PRICKLE2: variants seen among roughly 807,000 people sequenced by gnomAD.
PRICKLE2 encodes the protein prickle planar cell polarity protein 2, also known as prickle-like protein 2.
In PRICKLE2, 21 loss-of-function variants were observed where a neutral mutation model predicts 81.4. The observed-to-expected ratio is 0.26, with a 90% CI of 0.18 to 0.37. The LOEUF (loss-of-function observed/expected upper bound fraction) is 0.37, where lower values mean the gene tolerates loss of function less well. Ranked by LOEUF, PRICKLE2 falls within the 10% of genes least tolerant of loss-of-function variation. The pLI is 1.00. For missense variants in PRICKLE2, 940 were observed against 1,109.0 expected (o/e 0.85, Z 2.16); for synonymous variants, 456 against 421.5 (o/e 1.08, Z -1.00).
At chr3:64,229,364 G>A (rs767124129), upstream of PRICKLE2, among the ~76,000 whole-genome samples, 17 of 152,166 alleles carry the variant, frequency 1.1e-4, no homozygotes, top group South Asian at 2.1e-4. Flanking sequence ...GTGACAGGAA[G>A]GGTGGTAGCC....
At chr3:64,221,443 ACACACACACACACACG>A (rs1353626322) in intron 1 of PRICKLE2, among the ~76,000 whole-genome samples, 1 of 149,126 alleles carries the variant, frequency 6.7e-6, no homozygotes, top group Non-Finnish European at 1.5e-5. Context: ...ACACACACAC[ACACACACACACACACG>A]CACACACACA....
intron 1 of PRICKLE2, among the ~76,000 whole-genome samples, chr3:64,223,731 T>C (rs986810863): frequency 8.5e-5 from 13 of 152,218 alleles, no homozygotes; most frequent in Non-Finnish European, 1.8e-4. Context: ...ATGGTAATTA[T>C]GTCAAAGTTG....
chr3:64,254,898 T>C (rs180804218), intron 2 of PRICKLE2, among the ~76,000 whole-genome samples: 15 of 152,292 alleles, frequency 9.8e-5, no homozygotes, highest in Admixed American at 9.2e-4. Context: ...CTCAACACCA[T>C]ATTTGCTTAT....
chr3:64,121,928 T>G (rs2077035085), intron 7 of PRICKLE2, among the ~76,000 whole-genome samples: 1 of 152,208 alleles, frequency 6.6e-6, no homozygotes, highest in South Asian at 2.1e-4. Flanking sequence ...AACCTTGGCT[T>G]TCTTCTGAAC....
At chr3:64,237,216 T>C (rs2079195548) in intron 2 of PRICKLE2, among the ~76,000 whole-genome samples, 1 of 152,190 alleles carries the variant, frequency 6.6e-6, no homozygotes, top group East Asian at 1.9e-4. Context: ...TTGGCATCTG[T>C]GGATGGCTTA....
At chr3:64,134,500 T>C (rs1013294623) in intron 7 of PRICKLE2, among the ~76,000 whole-genome samples, 1 of 152,174 alleles carries the variant, frequency 6.6e-6, no homozygotes, top group Non-Finnish European at 1.5e-5. Context: ...TGACTGGGTA[T>C]AGGGGGATGG....
At chr3:64,265,595 G>A (rs2079690160) in intron 2 of PRICKLE2, among the ~76,000 whole-genome samples, 2 of 152,248 alleles carry the variant, frequency 1.3e-5, no homozygotes, top group South Asian at 4.1e-4. Context: ...GCTACACAAA[G>A]CAGCACGCAT....
Position 64,092,537 on chromosome 3 carries a change from C to T in PRICKLE2, c.*6514G>A, listed in dbSNP as rs939964980. On this transcript the variant is annotated 3_prime_UTR_variant, in exon 8 of 8. Coordinates refer to ENST00000638394, the MANE Select transcript of PRICKLE2 (RefSeq NM_198859.4). ...TGATATTATAGCATCCAGCAAGTCC[C>T]TAATGTTGTGGATCAGACACGGGGA... The T allele has an allele frequency of 6.6e-6, 1 of 152,206 alleles. No individual in the cohort carries two copies. Among genetic ancestry groups the T allele is most frequent in the Non-Finnish European group, 1.5e-5 (1 of 68,052 alleles). 9.4% of individuals were successfully genotyped at this position (152,206 alleles called of 1,614,324 possible). A position where few individuals can be genotyped will look rare whatever the true frequency, so the allele number is the denominator to read the frequency against.
At chr3:64,139,889 A>T (rs1478917054) in intron 7 of PRICKLE2, among the ~76,000 whole-genome samples, 1 of 152,100 alleles carries the variant, frequency 6.6e-6, no homozygotes, top group South Asian at 2.1e-4. Flanking sequence ...ATGTCCTTTG[A>T]CTCAGCCACA....
In PRICKLE2 at chr3:64,147,226, A is replaced by C; in HGVS notation, c.1264T>G (p.Cys422Gly). Reference protein sequence around the residue: ...TQSPLQLLSQCNIRTSYSPGG... With the variant: ...TQSPLQLLSQGNIRTSYSPGG... ...GGACTGTAGGAAGTTCTGATGTTGC[A>C]CTGGCTGAGGAGCTGCAGAGGGCTC... The change falls in exon 7 of 8, where the codon TGC (cysteine) becomes GGC (glycine). Residue 422 changes from cysteine to glycine, a missense_variant. Physicochemically the swap from Cys to Gly is radical, Grantham distance 159. Transcript: ENST00000638394. The surrounding 1 kb of genome is among the most constrained non-coding windows in gnomAD (Gnocchi z 5.0). 6.2e-7 allele frequency: 1 copy of C among 1,609,822 alleles called. No homozygotes were observed.
At chr3:64,253,547 T>C (rs1051355127) in intron 2 of PRICKLE2, among the ~76,000 whole-genome samples, 2 of 152,134 alleles carry the variant, frequency 1.3e-5, no homozygotes, top group South Asian at 2.1e-4. Flanking sequence ...CTCTAGATGA[T>C]GAATTGCTTT....
chr3:64,184,526 T>C (rs1156303901), intron 2 of PRICKLE2, among the ~76,000 whole-genome samples: 2 of 152,158 alleles, frequency 1.3e-5, no homozygotes, highest in African/African-American at 2.4e-5. Context: ...CCAGCTGTAA[T>C]GCAATGGTGC....
chr3:64,156,286 G>A (rs963476525), intron 5 of PRICKLE2, among the ~76,000 whole-genome samples: 2 of 152,122 alleles, frequency 1.3e-5, no homozygotes, highest in Non-Finnish European at 2.9e-5. Context: ...TGAGTCCCTC[G>A]TAGGTAGTTT....
intron 1 of PRICKLE2, among the ~76,000 whole-genome samples, chr3:64,206,507 G>A (rs919027227): frequency 6.6e-6 from 1 of 152,208 alleles, no homozygotes; most frequent in Non-Finnish European, 1.5e-5. Flanking sequence ...GGTGTGAAAA[G>A]GCACTGGTGA....
intron 2 of PRICKLE2, among the ~76,000 whole-genome samples, chr3:64,232,871 A>G (rs192438532): frequency 1.3e-5 from 2 of 152,314 alleles, no homozygotes; most frequent in Admixed American, 1.3e-4. Context: ...CCTTTGAGCC[A>G]TCCTTCACCC....
intron 2 of PRICKLE2, among the ~76,000 whole-genome samples, chr3:64,253,488 T>A (rs949941022): frequency 6.6e-6 from 1 of 152,234 alleles, no homozygotes; most frequent in African/African-American, 2.4e-5. Flanking sequence ...TATTCTTGCA[T>A]GTCACATACA....
In PRICKLE2 at chr3:64,146,911, G is replaced by A. The variant is rs992998143; in HGVS notation, c.1579C>T (p.Leu527=). The A allele has an allele frequency of 9.3e-6, 15 of 1,614,010 alleles. No homozygotes were observed. The highest frequency in any genetic ancestry group is 1.3e-5 in the Non-Finnish European group (15 of 1,180,024). ...GGCGTCATGTCCTCTGTGTATTTCA[G>A]GGAACTGATGGGATGACGGGTCCGA... is the stretch of plus-strand genomic sequence containing the variant. ...QCRTRHPISS[L]KYTEDMTPTE... Residue 527 remains leucine, a synonymous_variant, in exon 7 of 8, where the codon CTG becomes TTG. Transcript: ENST00000638394.
chr3:64,125,369 T>C (rs901672221), intron 7 of PRICKLE2, among the ~76,000 whole-genome samples: 1 of 152,196 alleles, frequency 6.6e-6, no homozygotes, highest in African/African-American at 2.4e-5. Flanking sequence ...TTGAAGAGGA[T>C]TGAGTCCAAT....
At chr3:64,231,812 G>C (rs1425827016) in intron 2 of PRICKLE2, among the ~76,000 whole-genome samples, 1 of 152,168 alleles carries the variant, frequency 6.6e-6, no homozygotes, top group African/African-American at 2.4e-5. Context: ...CTATCATACA[G>C]ATGAAGATGC....
Sources: allele counts gnomAD v4.1 joint callset (sites outside exome capture counted in the v4.1 genomes callset), GRCh38; gene constraint gnomAD v4.1.1; non-coding constraint Gnocchi (gnomAD v3.1); transcripts MANE v1.5; gene names NCBI Gene and HGNC (gene_info 2026-07-23, HGNC 2026-07-21).